The following CRYZL1 variants were observed in gnomAD, a reference collection of about 807,000 sequenced individuals.
CRYZL1 encodes ferry endosomal RAB5 effector complex subunit 4.
Under a neutral mutation model 50.6 loss-of-function variants are expected in CRYZL1, and 34 were observed. The observed-to-expected ratio is 0.67, with a 90% CI of 0.51 to 0.89. The LOEUF is 0.89. Ranked by LOEUF, CRYZL1 falls within the 40% of genes least tolerant of loss-of-function variation. The pLI, the probability that CRYZL1 is intolerant of heterozygous loss-of-function variation, is 0.00. For synonymous variants in CRYZL1, 125 were observed against 134.3 expected, an observed-to-expected ratio of 0.93 and a Z score of 0.48; for missense variants, 354 against 402.3, an observed-to-expected ratio of 0.88 and a Z score of 1.03.
chr21:33,634,790 T>G (rs1035281677), intron 1 of CRYZL1, among the ~76,000 whole-genome samples: 1 of 151,786 alleles, frequency 6.6e-6, no homozygotes, highest in African/African-American at 2.4e-5. Flanking sequence ...AGCAGTCACA[T>G]GGACCTTAGA....
chr21:33,623,634 T>TA (rs1320657807), intron 3 of CRYZL1, among the ~76,000 whole-genome samples: 9 of 152,216 alleles, frequency 5.9e-5, no homozygotes, highest in Admixed American at 5.2e-4. Flanking sequence ...TGAAAGCCTA[T>TA]ACCTGGTCTG....
rs776089798 is a variant in CRYZL1 at position 33,589,783 on chromosome 21, G to A, written c.*39C>T. ...AAGAAAATTCTGGCTTCAAATACTG[G>A]AATATGTTCATCCGACTGAGGTCTG... On this transcript the variant is annotated 3_prime_UTR_variant, in exon 13 of 13. Transcript: ENST00000381554. 8.6e-6 allele frequency: 11 copies of A among 1,283,274 alleles called. No homozygotes were observed. Among genetic ancestry groups the A allele is most frequent in the Middle Eastern group, 1.8e-4 (1 of 5,420 alleles). The allele number at this position is 1,283,274 out of a possible 1,614,324, so 79.5% of individuals were successfully genotyped here. A position where few individuals can be genotyped will look rare whatever the true frequency, so the allele number is the denominator to read the frequency against.
Position 33,597,347 on chromosome 21 carries a change from T to C in CRYZL1, c.731A>G (p.His244Arg), listed in dbSNP as rs1489133371. The change falls in exon 10 of 13, where the codon CAT (histidine) becomes CGT (arginine). Residue 244 changes from histidine to arginine, a missense_variant. By Grantham distance (29) the His-to-Arg change is conservative. Coordinates refer to ENST00000381554, the MANE Select transcript of CRYZL1 (RefSeq NM_145858.3). ...AAGAAGTGTGATGATATCATGTTTA[T>C]GTGGTAGTAGTTGTAGTTTTACAGC... ...EPAVKLQLLP[H>R]KHDIITLLGV... 1.2e-6 allele frequency: 2 copies of C among 1,608,870 alleles called. No individual in the cohort carries two copies. Among genetic ancestry groups the C allele is most frequent in the Non-Finnish European group, 1.7e-6 (2 of 1,175,170 alleles).
chr21:33,609,609 G>A (rs1318121230), intron 6 of CRYZL1, among the ~76,000 whole-genome samples: 1 of 151,722 alleles, frequency 6.6e-6, no homozygotes, highest in Non-Finnish European at 1.5e-5. Flanking sequence ...ACTGTGCTTG[G>A]CCTAGTACTT....
chr21:33,603,263 A>G, intron 7 of CRYZL1, 141 bp downstream of exon 7: 1 of 962,714 alleles, frequency 1.0e-6, no homozygotes, highest in Non-Finnish European at 1.5e-6. Context: ...GCTGCTTATT[A>G]TAACAAAATA....
chr21:33,606,886 C>G (rs1393821756), intron 6 of CRYZL1, among the ~76,000 whole-genome samples: 1 of 152,090 alleles, frequency 6.6e-6, no homozygotes, highest in East Asian at 1.9e-4. Flanking sequence ...TGGCGCATGC[C>G]TGTAATCCCA....
At chr21:33,635,608 C>A (rs1480680736) in intron 1 of CRYZL1, among the ~76,000 whole-genome samples, 1 of 151,654 alleles carries the variant, frequency 6.6e-6, no homozygotes, top group East Asian at 1.9e-4. Context: ...CCTGCCTCGG[C>A]CTCCCAAAGT....
intron 1 of CRYZL1, among the ~76,000 whole-genome samples, chr21:33,637,221 G>A (rs1237364546): frequency 1.3e-5 from 2 of 152,152 alleles, no homozygotes; most frequent in South Asian, 2.1e-4. Flanking sequence ...CGAGGCGGGC[G>A]GATCACGAGG....
chr21:33,634,867 AAAC>A (rs1003862938), intron 1 of CRYZL1, among the ~76,000 whole-genome samples: 2 of 116,170 alleles, frequency 1.7e-5, no homozygotes, highest in Non-Finnish European at 1.7e-5. Flanking sequence ...CCCTTAAAAC[AAAC>A]AACAACAACA....
At position 33,603,522 on chromosome 21, in the gene CRYZL1, T is replaced by G. The variant is rs2086778140; in HGVS notation, c.347A>C (p.Lys116Thr). ...HEHYLVHKPE[K>T]VTWTEAAGSI... The stretch of plus-strand genomic sequence containing the variant: ...TCCTGCTGCTTCCGTCCATGTGACC[T>G]TTTCTGGTTTATGAACTATCATAAA... The change falls in exon 7 of 13, where the codon AAG (lysine) becomes ACG (threonine). Residue 116 changes from lysine (K) to threonine (T), a missense_variant. Lys to Thr is a moderately conservative substitution (Grantham distance 78). Transcript: ENST00000381554. The G allele has an allele frequency of 6.2e-7, 1 of 1,614,080 alleles. No homozygotes were observed. The highest frequency in any genetic ancestry group is 8.5e-7 in the Non-Finnish European group (1 of 1,180,030).
chr21:33,602,451 T>C, intron 7 of CRYZL1, 106 bp from the exon 8 acceptor site: 1 of 473,364 alleles, frequency 2.1e-6, no homozygotes, highest in Non-Finnish European at 3.7e-6. Context: ...AGTGTTACTT[T>C]AGTATATTTT....
intron 4 of CRYZL1, among the ~76,000 whole-genome samples, chr21:33,619,295 G>A (rs2145944912): frequency 6.6e-6 from 1 of 152,214 alleles, no homozygotes; most frequent in East Asian, 1.9e-4. Context: ...TGAGGTTATG[G>A]ACTTTGCTGT....
At chr21:33,630,793 C>T (rs1302933142) in intron 2 of CRYZL1, among the ~76,000 whole-genome samples, 3 of 152,068 alleles carry the variant, frequency 2.0e-5, no homozygotes, top group Admixed American at 6.5e-5. Context: ...TATATATACA[C>T]AACAGAATAC....
chr21:33,625,696 C>T (rs1477592004), intron 2 of CRYZL1, among the ~76,000 whole-genome samples: 3 of 151,722 alleles, frequency 2.0e-5, no homozygotes, highest in Admixed American at 1.3e-4. Context: ...GTTGCCCAGG[C>T]TGGTCTCTAA....
intron 2 of CRYZL1, among the ~76,000 whole-genome samples, chr21:33,629,195 A>C (rs865941083): frequency 3.8e-4 from 58 of 152,238 alleles, no homozygotes; most frequent in African/African-American, 1.3e-3. Flanking sequence ...ACTGTATTCC[A>C]GTGTGGGTGA....
In CRYZL1 at chr21:33,599,198, A is replaced by G. The variant is rs749392156; in HGVS notation, c.628T>C (p.Leu210=). 3 of 1,614,064 alleles carry G rather than the reference A, an allele frequency of 1.9e-6. No homozygotes were observed. The East Asian group carries it at 6.7e-5, about 36-fold the overall frequency. The part of the protein sequence containing the change: ...NGKVHVAESC[L]EETGGLGVDI... ...ACTCCCAGGCCACCTGTTTCTTCCA[A>G]ACAGCTTTCAGCAACATGAACTTTC... The change falls in exon 9 of 13, where the codon TTG becomes CTG. Residue 210 remains leucine, a synonymous_variant. Transcript: ENST00000381554.
At chr21:33,605,987 G>T (rs1401293689) in intron 6 of CRYZL1, among the ~76,000 whole-genome samples, 1 of 152,086 alleles carries the variant, frequency 6.6e-6, no homozygotes, top group East Asian at 1.9e-4. Flanking sequence ...GGGCGAAGTG[G>T]AGCATTCAAA....
intron 6 of CRYZL1, among the ~76,000 whole-genome samples, chr21:33,605,145 T>C (rs1481252892): frequency 6.6e-6 from 1 of 152,226 alleles, no homozygotes; most frequent in African/African-American, 2.4e-5. Flanking sequence ...TTTTCAAGTG[T>C]TAATCAATTT....
intron 2 of CRYZL1, 42 bp from the exon 3 acceptor site, chr21:33,624,802 T>G: frequency 1.3e-6 from 2 of 1,573,588 alleles, no homozygotes; most frequent in Middle Eastern, 1.7e-4. Flanking sequence ...ATTTTACACA[T>G]TCCTATGAGA....
Sources: gnomAD v4.1 joint callset for allele counts (sites outside exome capture counted in the v4.1 genomes callset) on GRCh38, gnomAD v4.1.1 for gene constraint, MANE v1.5 for transcripts, NCBI Gene and HGNC (gene_info 2026-07-23, HGNC 2026-07-21) for gene names.